The following ROCK1 variants were observed in gnomAD, a reference collection of about 807,000 sequenced individuals.
The protein encoded by ROCK1 is Rho associated coiled-coil containing protein kinase 1.
ROCK1 carries 36 observed loss-of-function variants against 196.8 expected under a neutral mutation model. The ratio of observed to expected loss-of-function variants is 0.18; its 90% CI spans 0.14 to 0.24. ROCK1 has a LOEUF of 0.24. ROCK1 is among the 10% of genes least tolerant of loss of function. The pLI, the probability that ROCK1 is intolerant of heterozygous loss-of-function variation, is 1.00. For synonymous variants in ROCK1, 443 were observed against 515.9 expected, an observed-to-expected ratio of 0.86 and a Z score of 1.91; for missense variants, 920 against 1,562.0, an observed-to-expected ratio of 0.59 and a Z score of 6.93.
In ROCK1 at chr18:21,110,954, G is replaced by C. The variant is rs377650197; in HGVS notation, c.-44C>G. On this transcript the variant is annotated 5_prime_UTR_variant, in exon 1 of 33. Coordinates refer to ENST00000399799, the MANE Select transcript of ROCK1 (RefSeq NM_005406.3). Reference sequence around the variant, plus strand: ...ATGCCCTCTTACCAGCACCAGCAGCGGAAAGCAATTTCAACCAACTTCCTC... The same window carrying C: ...ATGCCCTCTTACCAGCACCAGCAGCCGAAAGCAATTTCAACCAACTTCCTC... 3 of 1,527,074 alleles carry C rather than the reference G, an allele frequency of 2.0e-6. No homozygotes were observed. The highest frequency in any genetic ancestry group is 3.4e-4 in the Middle Eastern group (2 of 5,880). 94.6% of individuals were successfully genotyped at this position (1,527,074 alleles called of 1,614,324 possible).
intron 13 of ROCK1, among the ~76,000 whole-genome samples, chr18:21,008,889 T>C (rs1390417829): frequency 2.0e-5 from 3 of 152,256 alleles, no homozygotes; most frequent in South Asian, 4.1e-4. Flanking sequence ...TATATAACAA[T>C]AGTACAATAA....
In ROCK1 at chr18:21,049,886, T is replaced by G; in HGVS notation, c.176-6A>C. ...TTTATTTATTGTGTCTTTATCTGTA[T>G]GAAAAGAAAAGTTTATCATTTTAAA... is the stretch of plus-strand genomic sequence containing the variant. On this transcript the variant is annotated splice_polypyrimidine_tract_variant and splice_region_variant and intron_variant, in intron 2 of 32. Transcript: ENST00000399799. 2.7e-6 allele frequency: 4 copies of G among 1,505,360 alleles called. No individual in the cohort carries two copies. The highest frequency in any genetic ancestry group is 3.6e-6 in the Non-Finnish European group (4 of 1,098,630). The allele number at this position is 1,505,360 out of a possible 1,614,324, so 93.3% of individuals were successfully genotyped here.
chr18:21,022,045 G>A (rs749584248), intron 11 of ROCK1, among the ~76,000 whole-genome samples: 1 of 150,838 alleles, frequency 6.6e-6, no homozygotes, highest in Non-Finnish European at 1.5e-5. Context: ...ATATTTAAGA[G>A]TCAATATATC....
At chr18:21,034,033 CAAA>C (rs777661024) in intron 9 of ROCK1, among the ~76,000 whole-genome samples, 3 of 43,538 alleles carry the variant, frequency 6.9e-5, no homozygotes, top group Admixed American at 2.6e-4. Context: ...GACTCCATCT[CAAA>C]AAAAAAAAAA....
At chr18:21,052,008 A>C (rs966736445) in intron 2 of ROCK1, among the ~76,000 whole-genome samples, 2 of 152,236 alleles carry the variant, frequency 1.3e-5, no homozygotes, top group African/African-American at 4.8e-5. Context: ...CCCAGATGAG[A>C]GAGAAAGTTC....
At chr18:21,013,190 C>T (rs2035833346) in intron 13 of ROCK1, among the ~76,000 whole-genome samples, 1 of 152,210 alleles carries the variant, frequency 6.6e-6, no homozygotes, top group South Asian at 2.1e-4. Flanking sequence ...CAAACCTGGA[C>T]ATCATCTTAC....
chr18:21,084,899 C>T (rs937540134), intron 1 of ROCK1, among the ~76,000 whole-genome samples: 8 of 152,166 alleles, frequency 5.3e-5, no homozygotes, highest in Non-Finnish European at 8.8e-5. Context: ...TGTACATACA[C>T]TGTAGTATTA....
At chr18:20,999,712 T>C (rs1444641311) in intron 16 of ROCK1, among the ~76,000 whole-genome samples, 9 of 152,184 alleles carry the variant, frequency 5.9e-5, no homozygotes, top group African/African-American at 2.4e-5. Flanking sequence ...ATATTAGTTT[T>C]GGTTTTTTTT....
intron 1 of ROCK1, among the ~76,000 whole-genome samples, chr18:21,078,341 T>TAC (rs59499705): frequency 0.016 from 2,118 of 128,754 alleles, 48 homozygotes; most frequent in African/African-American, 0.059. Context: ...AACACCCACC[T>TAC]ACACACACAC....
chr18:21,001,734 T>A (rs1258888161), intron 16 of ROCK1, among the ~76,000 whole-genome samples: 1 of 149,714 alleles, frequency 6.7e-6, no homozygotes, highest in African/African-American at 2.5e-5. Context: ...CACTGCACTG[T>A]AGCCTGGGTG....
intron 16 of ROCK1, among the ~76,000 whole-genome samples, chr18:20,995,625 G>C (rs1469830333): frequency 1.3e-5 from 2 of 152,152 alleles, no homozygotes; most frequent in Non-Finnish European, 2.9e-5. Context: ...CTTCAGGTCT[G>C]ACCCAGCACA....
intron 29 of ROCK1, among the ~76,000 whole-genome samples, chr18:20,956,719 A>G (rs1374691331): frequency 6.6e-6 from 1 of 152,186 alleles, no homozygotes; most frequent in Non-Finnish European, 1.5e-5. Flanking sequence ...TCATTAAAAG[A>G]CACCATTAAC....
chr18:21,033,040 A>C (rs1461474433), intron 9 of ROCK1, among the ~76,000 whole-genome samples: 1 of 152,074 alleles, frequency 6.6e-6, no homozygotes, highest in East Asian at 1.9e-4. Flanking sequence ...CAGAAAATTA[A>C]AAGAAAATTA....
At chr18:20,989,615 GTC>G (rs1450127312) in intron 18 of ROCK1, among the ~76,000 whole-genome samples, 2 of 152,256 alleles carry the variant, frequency 1.3e-5, no homozygotes, top group East Asian at 1.9e-4. Flanking sequence ...GCATGGATTT[GTC>G]TCTGTTTTAA....
chr18:21,100,752 G>C (rs1359383535), intron 1 of ROCK1, among the ~76,000 whole-genome samples: 1 of 152,128 alleles, frequency 6.6e-6, no homozygotes, highest in Non-Finnish European at 1.5e-5. Context: ...AATAAGGGTA[G>C]GGGATATATT....
intron 16 of ROCK1, 136 bp downstream of exon 16, chr18:21,006,215 A>C (rs1245696046): frequency 1.5e-6 from 1 of 684,212 alleles, no homozygotes; most frequent in African/African-American, 1.8e-5. Flanking sequence ...ACACTGTATG[A>C]TTCCACTTAT....
At position 21,043,442 on chromosome 18, in the gene ROCK1, T is replaced by C. The variant is rs1384979253; in HGVS notation, c.675+660A>G. On this transcript the variant is annotated intron_variant, in intron 6 of 32. Coordinates refer to ENST00000399799, the MANE Select transcript of ROCK1 (RefSeq NM_005406.3). ...ACAGAAGTTCTCATGCAGTGTTTCC[T>C]TCACTGTGTATATGAAGTGAAGGAA... Among the ~76,000 whole-genome samples, 3 of 151,760 alleles carry C rather than the reference T, an allele frequency of 2.0e-5. No homozygotes were observed. In the East Asian group the frequency reaches 5.8e-4, roughly 29 times the overall value.
intron 2 of ROCK1, among the ~76,000 whole-genome samples, chr18:21,069,858 A>AT (rs2143549979): frequency 6.6e-6 from 1 of 152,130 alleles, no homozygotes; most frequent in East Asian, 1.9e-4. Flanking sequence ...TAAAACAATA[A>AT]TTTTTTAAAA....
rs185802756 is a variant in ROCK1, at chr18:20,958,140, T to C, written c.3512+1700A>G. Among the ~76,000 whole-genome samples, 618 of 152,348 alleles carry C rather than the reference T, an allele frequency of 4.1e-3. 3 individuals carry two copies. The highest frequency in any genetic ancestry group is 6.1e-3 in the Non-Finnish European group (413 of 68,024). On this transcript the variant is annotated intron_variant, in intron 29 of 32. Transcript: ENST00000399799. ...AAAAGTATTTAACTTAGTTGAAAGA[T>C]AGTATCTTTCATACTAGTGTTTATG...
Sources: gnomAD v4.1 joint callset for allele counts (sites outside exome capture counted in the v4.1 genomes callset) on GRCh38, gnomAD v4.1.1 for gene constraint, MANE v1.5 for transcripts, NCBI Gene and HGNC (gene_info 2026-07-23, HGNC 2026-07-21) for gene names.